HS6ST3: variants seen among roughly 807,000 people sequenced by gnomAD.
HS6ST3 encodes heparan-sulfate 6-O-sulfotransferase 3.
Under a neutral mutation model 36.7 loss-of-function variants are expected in HS6ST3, and 12 were observed. The ratio of observed to expected loss-of-function variants is 0.33; its 90% CI spans 0.21 to 0.53. The LOEUF (loss-of-function observed/expected upper bound fraction) is 0.53, where lower values mean the gene tolerates loss of function less well. Ranked by LOEUF, HS6ST3 falls within the 20% of genes least tolerant of loss-of-function variation. The pLI is 0.95. For synonymous variants in HS6ST3, 240 were observed against 257.5 expected (o/e 0.93, Z 0.65); for missense variants, 584 against 640.9 (o/e 0.91, Z 0.96).
chr13:96,240,740 C>T (rs1282664199), intron 1 of HS6ST3, among the ~76,000 whole-genome samples: 2 of 152,184 alleles, frequency 1.3e-5, no homozygotes, highest in African/African-American at 4.8e-5. Flanking sequence ...TATCCTAAAC[C>T]TGGGATGCTA....
intron 1 of HS6ST3, among the ~76,000 whole-genome samples, chr13:96,739,204 T>C (rs944091844): frequency 2.0e-5 from 3 of 150,500 alleles, no homozygotes; most frequent in African/African-American, 7.4e-5. Flanking sequence ...CCTTCTGTTC[T>C]CTATCGACAT....
intron 1 of HS6ST3, among the ~76,000 whole-genome samples, chr13:96,118,190 G>T (rs2053902793): frequency 6.6e-6 from 1 of 152,106 alleles, no homozygotes; most frequent in African/African-American, 2.4e-5. Context: ...ACTTTATTTG[G>T]AGGTAGAACC....
chr13:96,340,284 C>A (rs2055123634), intron 1 of HS6ST3, among the ~76,000 whole-genome samples: 1 of 152,262 alleles, frequency 6.6e-6, no homozygotes, highest in East Asian at 1.9e-4. Context: ...CCAAAGGACA[C>A]CTTACATGGG....
intron 1 of HS6ST3, among the ~76,000 whole-genome samples, chr13:96,786,010 A>T (rs1877638634): frequency 6.6e-6 from 1 of 152,154 alleles, no homozygotes; most frequent in African/African-American, 2.4e-5. Context: ...TGCCCTTAAA[A>T]TCAACTAAAC....
chr13:96,103,260 A>G (rs999619695), intron 1 of HS6ST3, among the ~76,000 whole-genome samples: 1 of 152,234 alleles, frequency 6.6e-6, no homozygotes, highest in Non-Finnish European at 1.5e-5. Flanking sequence ...GAACTTCTGC[A>G]TTGCATAATT....
Position 96,832,724 on chromosome 13 carries a change from G to T in HS6ST3, c.942G>T (p.Leu314=). ...CTAACAATCGCCAGGTGCGCATGCT[G>T]GCTGACCTCAGCCTGGTGGGCTGCT... ...NLANNRQVRM[L]ADLSLVGCYN... Residue 314 remains leucine (L), a synonymous_variant, in exon 2 of 2, where the codon CTG becomes CTT. Transcript: ENST00000376705. 1 of 1,614,148 alleles carries T rather than the reference G, an allele frequency of 6.2e-7. No individual in the cohort carries two copies. The highest frequency in any genetic ancestry group is 8.5e-7 in the Non-Finnish European group (1 of 1,180,008).
At chr13:96,764,011 T>C (rs1414057375) in intron 1 of HS6ST3, among the ~76,000 whole-genome samples, 1 of 152,202 alleles carries the variant, frequency 6.6e-6, no homozygotes, top group Non-Finnish European at 1.5e-5. Context: ...CTTTCTATTA[T>C]ACCCACCAAA....
intron 1 of HS6ST3, among the ~76,000 whole-genome samples, chr13:96,128,312 C>T (rs1388181038): frequency 2.0e-5 from 3 of 152,030 alleles, no homozygotes; most frequent in African/African-American, 7.2e-5. Flanking sequence ...TGTGGTGGCC[C>T]AGAATATTTA....
chr13:96,273,090 A>G (rs547018789), intron 1 of HS6ST3, among the ~76,000 whole-genome samples: 1 of 151,956 alleles, frequency 6.6e-6, no homozygotes, highest in Admixed American at 6.6e-5. Flanking sequence ...TTTCATTAGA[A>G]AGACTAAGAA....
At chr13:96,457,560 T>C (rs1414407486) in intron 1 of HS6ST3, among the ~76,000 whole-genome samples, 1 of 152,058 alleles carries the variant, frequency 6.6e-6, no homozygotes, top group Non-Finnish European at 1.5e-5. Flanking sequence ...ATTACTGAAC[T>C]CTCTTTGATA....
intron 1 of HS6ST3, among the ~76,000 whole-genome samples, chr13:96,340,037 A>G (rs964627748): frequency 6.6e-6 from 1 of 152,146 alleles, no homozygotes; most frequent in Non-Finnish European, 1.5e-5. Flanking sequence ...TGTTTTCCAG[A>G]CTTTCCCCTT....
chr13:96,456,057 T>C (rs1002911239), intron 1 of HS6ST3, among the ~76,000 whole-genome samples: 2 of 152,240 alleles, frequency 1.3e-5, no homozygotes, highest in African/African-American at 2.4e-5. Context: ...CTTTTTATTA[T>C]GTGTATGTTT....
chr13:96,564,433 T>C (rs2056273679), intron 1 of HS6ST3, among the ~76,000 whole-genome samples: 1 of 152,200 alleles, frequency 6.6e-6, no homozygotes, highest in African/African-American at 2.4e-5. Flanking sequence ...ATTGGGTGCT[T>C]TGCTTTAGCA....
intron 1 of HS6ST3, among the ~76,000 whole-genome samples, chr13:96,384,473 G>C (rs2055357507): frequency 6.6e-6 from 1 of 152,056 alleles, no homozygotes; most frequent in African/African-American, 2.4e-5. Context: ...GTATTGCTTT[G>C]TTTGCCAATG....
intron 1 of HS6ST3, among the ~76,000 whole-genome samples, chr13:96,236,539 C>T (rs2054535617): frequency 6.6e-6 from 1 of 151,944 alleles, no homozygotes; most frequent in Non-Finnish European, 1.5e-5. Context: ...CCATAACTCC[C>T]TTGCTAAAGC....
chr13:96,326,028 T>A (rs1457770851), intron 1 of HS6ST3, among the ~76,000 whole-genome samples: 1 of 152,092 alleles, frequency 6.6e-6, no homozygotes, highest in Non-Finnish European at 1.5e-5. Flanking sequence ...GATAATGAAC[T>A]TGGAGGAAAC....
intron 1 of HS6ST3, among the ~76,000 whole-genome samples, chr13:96,807,026 C>A (rs1380803255): frequency 6.6e-6 from 1 of 152,172 alleles, no homozygotes; most frequent in Non-Finnish European, 1.5e-5. Context: ...AGCTGTGAGA[C>A]CTTGGCCAAG....
chr13:96,633,100 T>C (rs2056537444), intron 1 of HS6ST3, among the ~76,000 whole-genome samples: 1 of 152,176 alleles, frequency 6.6e-6, no homozygotes, highest in Non-Finnish European at 1.5e-5. Flanking sequence ...GCCTCACCCC[T>C]GCAGTGAGTG....
intron 1 of HS6ST3, among the ~76,000 whole-genome samples, chr13:96,825,031 G>A (rs1878620319): frequency 1.3e-5 from 2 of 152,188 alleles, no homozygotes; most frequent in South Asian, 2.1e-4. Context: ...GGCAATGGGG[G>A]AGAAATCCCT....
Sources: allele counts gnomAD v4.1 joint callset (sites outside exome capture counted in the v4.1 genomes callset), GRCh38; gene constraint gnomAD v4.1.1; transcripts MANE v1.5; gene names NCBI Gene and HGNC (gene_info 2026-07-23, HGNC 2026-07-21).